The following TBCD variants were observed in gnomAD, a reference collection of about 807,000 sequenced individuals.
TBCD encodes the protein tubulin-specific chaperone D.
TBCD carries 105 observed loss-of-function variants against 169.3 expected under a neutral mutation model. The ratio of observed to expected loss-of-function variants is 0.62; its 90% confidence interval spans 0.53 to 0.73. TBCD has a LOEUF of 0.73. TBCD is among the 30% of genes least tolerant of loss of function. The pLI is 0.00. For synonymous variants in TBCD, 700 were observed against 643.9 expected (o/e 1.09, Z -1.32); for missense variants, 1,444 against 1,600.1 (o/e 0.90, Z 1.66).
intron 13 of TBCD, among the ~76,000 whole-genome samples, chr17:82,867,379 A>G (rs12946560): frequency 0.25 from 38,414 of 152,196 alleles, 4,858 homozygotes; most frequent in Middle Eastern, 0.32. Context: ...GCCCGAGGCT[A>G]TGGAGTTGCC....
intron 13 of TBCD, among the ~76,000 whole-genome samples, chr17:82,862,123 C>T (rs1025183281): frequency 3.9e-5 from 6 of 151,984 alleles, no homozygotes; most frequent in East Asian, 1.9e-4. Flanking sequence ...GGGGTTTCAC[C>T]GTGTTAGCCA....
intron 13 of TBCD, among the ~76,000 whole-genome samples, chr17:82,852,952 T>C (rs961897293): frequency 2.0e-5 from 3 of 152,220 alleles, no homozygotes; most frequent in African/African-American, 7.2e-5. Flanking sequence ...TGGCTTGCGA[T>C]GCGTTCTGTT....
intron 14 of TBCD, among the ~76,000 whole-genome samples, chr17:82,881,298 G>A (rs946810614): frequency 1.3e-5 from 2 of 152,206 alleles, no homozygotes; most frequent in African/African-American, 2.4e-5. Flanking sequence ...TGAGATAAAC[G>A]CTTTATCCAC....
At chr17:82,839,005 A>G (rs1015312645) in intron 13 of TBCD, 2 of 982,602 alleles carry the variant, frequency 2.0e-6, no homozygotes, top group African/African-American at 1.7e-5. Context: ...GAAATTTCAT[A>G]TAAGGAAAAA....
Position 82,899,350 on chromosome 17 carries a change from CGT to C in TBCD, c.1650-1298_1650-1297del, listed in dbSNP as rs1208517517. On this transcript the variant is annotated intron_variant, in intron 17 of 38. Coordinates refer to ENST00000355528, the MANE Select transcript of TBCD (RefSeq NM_005993.5). The stretch of plus-strand genomic sequence containing the variant: ...GCGTCCTCAGCTCGTGTCCTCAGTG[CGT>C]GTCCGCAGTGCGTCCTCAGCGCACG... Among the ~76,000 whole-genome samples, 17 of 109,958 alleles carry C rather than the reference CGT, an allele frequency of 1.5e-4. 1 individual carries two copies. In the South Asian group the frequency reaches 1.8e-3, roughly 11 times the overall value. 72.1% of individuals were successfully genotyped at this position (109,958 alleles called of 152,430 possible). A position where few individuals can be genotyped will look rare whatever the true frequency, so the allele number is the denominator to read the frequency against.
rs1056577423 is a variant in TBCD, at chr17:82,929,244, G to A, written c.2825G>A (p.Arg942Gln). ...CCTCCCATCCCCCACGTGCCCCACC[G>A]AGGAGAACTGGAAAAGCTGTTTCCC... ...DSPPIPHVPHRGELEKLFPRS... is the reference protein window; with the variant it reads ...DSPPIPHVPHQGELEKLFPRS... The change falls in exon 31 of 39, where the codon CGA becomes CAA. Residue 942 changes from arginine (R) to glutamine (Q), a missense_variant. Physicochemically the swap from Arg to Gln is conservative, Grantham distance 43. Coordinates refer to ENST00000355528, the MANE Select transcript of TBCD (RefSeq NM_005993.5). 31 of 1,613,752 alleles carry A rather than the reference G, an allele frequency of 1.9e-5. No individual in the cohort carries two copies. Among genetic ancestry groups the A allele is most frequent in the East Asian group, 6.7e-5 (3 of 44,884 alleles).
chr17:82,848,529 T>A (rs2055350281), intron 13 of TBCD, among the ~76,000 whole-genome samples: 1 of 152,204 alleles, frequency 6.6e-6, no homozygotes, highest in African/African-American at 2.4e-5. Context: ...CTCAGACTTG[T>A]TAGTTTTCCA....
intron 34 of TBCD, among the ~76,000 whole-genome samples, chr17:82,933,273 CTTTTTTT>C (rs10639851): frequency 3.5e-5 from 4 of 114,640 alleles, no homozygotes; most frequent in African/African-American, 1.3e-4. Flanking sequence ...TTGGGCCAGT[CTTTTTTT>C]TTTTTTTTTT....
intron 13 of TBCD, among the ~76,000 whole-genome samples, chr17:82,817,522 C>A (rs1316639862): frequency 6.6e-6 from 1 of 152,126 alleles, no homozygotes; most frequent in South Asian, 2.1e-4. Context: ...GTCTCGAACT[C>A]CTGAGCTCAA....
intron 6 of TBCD, among the ~76,000 whole-genome samples, chr17:82,777,926 G>A (rs1051943824): frequency 2.0e-5 from 3 of 152,200 alleles, no homozygotes; most frequent in South Asian, 2.1e-4. Context: ...ACCACGGTCC[G>A]CTTGTCAACA....
Position 82,838,817 on chromosome 17 carries a change from C to T in TBCD, c.1318+23883C>T, listed in dbSNP as rs544716967. The T allele has an allele frequency of 6.1e-6, 6 of 985,368 alleles. No individual in the cohort carries two copies. The East Asian group carries it at 4.5e-4, about 75-fold the overall frequency. The allele number at this position is 985,368 out of a possible 1,614,324, so 61.0% of individuals were successfully genotyped here. On this transcript the variant is annotated intron_variant, in intron 13 of 38. Transcript: ENST00000355528. The stretch of plus-strand genomic sequence containing the variant: ...TAACTCTAGTTTCGGCAGGAGATCC[C>T]GAGTTACAGACCTGAGCTCGTAAAC...
intron 13 of TBCD, chr17:82,830,556 C>G (rs540857447): frequency 6.2e-7 from 1 of 1,614,052 alleles, no homozygotes; most frequent in East Asian, 2.2e-5. Flanking sequence ...AACCTTCTGT[C>G]CCAGTCTTCT....
intron 13 of TBCD, chr17:82,840,631 C>G (rs2054392289): frequency 6.6e-6 from 1 of 152,282 alleles, no homozygotes; most frequent in Admixed American, 6.5e-5. Context: ...CCAGGCACCG[C>G]AAGAGCTGCG....
chr17:82,832,238 G>C lies in TBCD; in HGVS notation c.1318+17304G>C. 6.2e-7 allele frequency: 1 copy of C among 1,614,208 alleles called. No homozygotes were observed. The highest frequency in any genetic ancestry group is 1.3e-5 in the African/African-American group (1 of 75,052). On this transcript the variant is annotated intron_variant, in intron 13 of 38. Coordinates refer to ENST00000355528, the MANE Select transcript of TBCD (RefSeq NM_005993.5). This position sits in a 1 kb window ranked among gnomAD's most constrained non-coding sequence, Gnocchi z 4.9. ...GCATCGGGCTGGTTGGTTTGCTTGG[G>C]GTCTAGTGAGTTAGATTTAGGGCAC...
intron 5 of TBCD, among the ~76,000 whole-genome samples, chr17:82,770,627 T>C (rs960679485): frequency 1.3e-5 from 2 of 150,916 alleles, no homozygotes; most frequent in Non-Finnish European, 2.9e-5. Flanking sequence ...GTAGTATGGT[T>C]TACCCACCCT....
At position 82,938,067 on chromosome 17, in the gene TBCD, G is replaced by T; in HGVS notation, c.3300G>T (p.Gln1100His). 1 of 1,613,154 alleles carries T rather than the reference G, an allele frequency of 6.2e-7. No homozygotes were observed. ...SGIAVFCEMV[Q>H]FPGDVRRQAL... is the part of the protein sequence containing the mutation. ...CCGGCAGGTTCTGCGAGATGGTGCA[G>T]TTCCCCGGCGACGTGAGGAGGCAGG... is the stretch of plus-strand genomic sequence containing the variant. The change falls in exon 36 of 39, where the codon CAG becomes CAT. Residue 1100 changes from glutamine (Q) to histidine (H), a missense_variant. Gln to His is a conservative substitution (Grantham distance 24). Transcript: ENST00000355528.
intron 23 of TBCD, among the ~76,000 whole-genome samples, chr17:82,917,168 C>A (rs548500343): frequency 1.7e-4 from 26 of 151,752 alleles, no homozygotes; most frequent in African/African-American, 6.1e-4. Flanking sequence ...TACAGGCATG[C>A]GCCACCACAC....
At chr17:82,857,989 C>T (rs557959970) in intron 13 of TBCD, among the ~76,000 whole-genome samples, 12 of 151,950 alleles carry the variant, frequency 7.9e-5, no homozygotes, top group South Asian at 2.1e-4. Flanking sequence ...CACAGCTCAC[C>T]GCAGCCTTGA....
intron 13 of TBCD, among the ~76,000 whole-genome samples, chr17:82,856,941 C>T (rs557309772): frequency 0.018 from 2,657 of 145,968 alleles, 60 homozygotes; most frequent in African/African-American, 0.065. Flanking sequence ...GCATCCAGGG[C>T]GGGATCGCTG....
Sources: gnomAD v4.1 joint callset for allele counts (sites outside exome capture counted in the v4.1 genomes callset) on GRCh38, gnomAD v4.1.1 for gene constraint, Gnocchi (gnomAD v3.1) non-coding constraint, MANE v1.5 for transcripts, NCBI Gene and HGNC (gene_info 2026-07-23, HGNC 2026-07-21) for gene names.